Variants in TRIM37 observed in about 807,000 individuals in gnomAD.
TRIM37 encodes the protein E3 ubiquitin-protein ligase TRIM37.
In TRIM37, 80 loss-of-function variants were observed where a neutral mutation model predicts 129.8. That is an observed-to-expected ratio of 0.62 (90% CI 0.51 to 0.74). The LOEUF is 0.74. Ranked by LOEUF, TRIM37 falls within the 30% of genes least tolerant of loss-of-function variation. TRIM37 has a pLI of 0.00. For missense variants in TRIM37, 1,054 were observed against 1,176.5 expected (o/e 0.90, Z 1.52); for synonymous variants, 389 against 387.1 (o/e 1.00, Z -0.06).
chr17:59,056,358 G>A (rs1341952884), intron 13 of TRIM37, among the ~76,000 whole-genome samples: 2 of 152,040 alleles, frequency 1.3e-5, no homozygotes, highest in African/African-American at 4.8e-5. Context: ...TAATGGAATT[G>A]CTAACTAGAT....
intron 24 of TRIM37, among the ~76,000 whole-genome samples, chr17:58,993,051 T>G (rs1165407872): frequency 3.9e-5 from 6 of 152,150 alleles, no homozygotes; most frequent in African/African-American, 1.4e-4. Flanking sequence ...GGGAGGTAAT[T>G]GAATCATGGG....
At position 59,070,916 on chromosome 17, in the gene TRIM37, G is replaced by C; in HGVS notation, c.716C>G (p.Ser239Cys). 1 of 1,613,888 alleles carries C rather than the reference G, an allele frequency of 6.2e-7. No homozygotes were observed. The highest frequency in any genetic ancestry group is 8.5e-7 in the Non-Finnish European group (1 of 1,179,942). ...LRSCSKSELI[S>C]KSSEILMMFQ... ...CATCATAAGGATCTCTGAGCTCTTAGATATCAACTCACTCTTACTACAAGA... is the reference window on the plus strand; with the variant it reads ...CATCATAAGGATCTCTGAGCTCTTACATATCAACTCACTCTTACTACAAGA... The change falls in exon 9 of 24, where the codon TCT (serine) becomes TGT (cysteine). Residue 239 changes from serine to cysteine, a missense_variant. Transcript: ENST00000262294.
intron 4 of TRIM37, among the ~76,000 whole-genome samples, chr17:59,085,458 TC>T (rs2147151596): frequency 6.6e-6 from 1 of 152,252 alleles, no homozygotes; most frequent in South Asian, 2.1e-4. Context: ...GAAAAGATGC[TC>T]ATTACTACTA....
intron 12 of TRIM37, among the ~76,000 whole-genome samples, chr17:59,059,925 G>A (rs551497200): frequency 2.2e-4 from 34 of 152,254 alleles, no homozygotes; most frequent in Non-Finnish European, 4.3e-4. Context: ...TCCTGGCCCC[G>A]TGTGAACACC....
At chr17:58,994,880 G>T (rs570639406), downstream of TRIM37, among the ~76,000 whole-genome samples, 6 of 151,982 alleles carry the variant, frequency 3.9e-5, no homozygotes, top group South Asian at 1.2e-3. Context: ...CTCCTGAGTA[G>T]CTGGGATTAC....
chr17:59,035,654 G>A (rs906966339), intron 17 of TRIM37, among the ~76,000 whole-genome samples: 1 of 151,906 alleles, frequency 6.6e-6, no homozygotes, highest in Admixed American at 6.6e-5. Flanking sequence ...GGAGGCTGAG[G>A]CAGAATTGCT....
At chr17:59,073,248 T>C (rs1035549145) in intron 8 of TRIM37, 2 of 152,186 alleles carry the variant, frequency 1.3e-5, no homozygotes, top group Non-Finnish European at 2.9e-5. Context: ...ACATAAACAC[T>C]ATCAGGCTAT....
At chr17:59,035,299 G>A (rs1481103402) in intron 17 of TRIM37, among the ~76,000 whole-genome samples, 1 of 151,872 alleles carries the variant, frequency 6.6e-6, no homozygotes, top group Non-Finnish European at 1.5e-5. Flanking sequence ...GGCCTCAAGT[G>A]ATCCACATGC....
At chr17:59,049,496 G>A in intron 14 of TRIM37, 103 bp from the exon 15 acceptor site, 1 of 1,031,522 alleles carries the variant, frequency 9.7e-7, no homozygotes, top group Non-Finnish European at 1.5e-6. Context: ...TAAAACCATT[G>A]CTTTATTTAT....
At position 59,092,935 on chromosome 17, in the gene TRIM37, G is replaced by A. The variant is rs573705458; in HGVS notation, c.124-1595C>T. Among the ~76,000 whole-genome samples, 3 of 152,120 alleles carry A rather than the reference G, an allele frequency of 2.0e-5. No homozygotes were observed. In the South Asian group the frequency reaches 6.2e-4, roughly 32 times the overall value. On this transcript the variant is annotated intron_variant, in intron 2 of 23. Coordinates refer to ENST00000262294, the MANE Select transcript of TRIM37 (RefSeq NM_015294.6). ...TGGGAGGCTGAGGCGGGTGGATCACGAGGTCAGGAGTTCGAGACCAGCCTG... is the reference window on the plus strand; with the variant it reads ...TGGGAGGCTGAGGCGGGTGGATCACAAGGTCAGGAGTTCGAGACCAGCCTG...
chr17:59,071,681 G>A (rs1336770504), intron 8 of TRIM37, among the ~76,000 whole-genome samples: 1 of 150,410 alleles, frequency 6.6e-6, no homozygotes, highest in Admixed American at 6.6e-5. Flanking sequence ...ACACACACAC[G>A]CACTATCTGA....
intron 22 of TRIM37, among the ~76,000 whole-genome samples, chr17:59,008,560 T>C (rs1487019973): frequency 2.0e-5 from 3 of 152,246 alleles, no homozygotes; most frequent in Admixed American, 1.3e-4. Flanking sequence ...ATATAAAAAT[T>C]AGTGCTGAGA....
chr17:59,099,605 A>G (rs545485695), intron 2 of TRIM37, among the ~76,000 whole-genome samples: 65 of 152,232 alleles, frequency 4.3e-4, no homozygotes, highest in Middle Eastern at 3.4e-3. Context: ...TGGATGGTAA[A>G]TAACTCCTGG....
At chr17:59,098,340 C>T (rs2045111680) in intron 2 of TRIM37, among the ~76,000 whole-genome samples, 1 of 152,010 alleles carries the variant, frequency 6.6e-6, no homozygotes, top group African/African-American at 2.4e-5. Context: ...GTACTTAATG[C>T]CGCTAAACAG....
intron 14 of TRIM37, among the ~76,000 whole-genome samples, chr17:59,050,571 A>G (rs996194173): frequency 1.3e-5 from 2 of 152,110 alleles, no homozygotes; most frequent in Admixed American, 6.6e-5. Flanking sequence ...AGTCCCAGCT[A>G]CCTGGGAGGC....
At chr17:59,079,966 A>G in intron 6 of TRIM37, 89 bp from the exon 7 acceptor site, 1 of 1,446,916 alleles carries the variant, frequency 6.9e-7, no homozygotes, top group Non-Finnish European at 9.6e-7. Flanking sequence ...AATAGATAAT[A>G]TGAAAAAGGT....
intron 9 of TRIM37, among the ~76,000 whole-genome samples, chr17:59,066,511 C>G (rs1278768316): frequency 6.6e-6 from 1 of 152,124 alleles, no homozygotes; most frequent in Non-Finnish European, 1.5e-5. Context: ...AATTAAACAA[C>G]AAGAGATGCC....
At chr17:58,979,850 T>C, downstream of TRIM37, 1 of 744,500 alleles carries the variant, frequency 1.3e-6, no homozygotes, top group Non-Finnish European at 2.1e-6. Context: ...TTATAAATTC[T>C]TTCCAGTCAA....
chr17:59,013,367 G>A (rs145826835), intron 21 of TRIM37, among the ~76,000 whole-genome samples: 1,575 of 152,134 alleles, frequency 0.01, 19 homozygotes, highest in African/African-American at 0.036. Flanking sequence ...AGGCTGGCTC[G>A]AACTCCTGAT....
Sources: gnomAD v4.1 joint callset for allele counts (sites outside exome capture counted in the v4.1 genomes callset) on GRCh38, gnomAD v4.1.1 for gene constraint, MANE v1.5 for transcripts, NCBI Gene and HGNC (gene_info 2026-07-23, HGNC 2026-07-21) for gene names.